SLC25A33: variants seen among roughly 807,000 people sequenced by gnomAD.
The protein encoded by SLC25A33 is bone marrow stromal cell mitochondrial carrier protein.
SLC25A33 carries 15 observed loss-of-function variants against 35.5 expected under a neutral mutation model. That is an observed-to-expected ratio of 0.42 (90% CI 0.28 to 0.65). The LOEUF is 0.65. Among genes scored for constraint, SLC25A33 ranks in the 30% least tolerant of loss-of-function variants. SLC25A33 has a pLI of 0.20. For synonymous variants in SLC25A33, 136 were observed against 148.7 expected (o/e 0.91, Z 0.62); for missense variants, 257 against 398.5 (o/e 0.64, Z 3.02).
At position 9,567,315 on chromosome 1, in the gene SLC25A33, C is replaced by T. The variant is rs1478133504; in HGVS notation, c.268C>T (p.Leu90Phe). Residue 90 changes from leucine (L) to phenylalanine (F), a missense_variant, in exon 3 of 7, where the codon CTT becomes TTT. Physicochemically the swap from Leu to Phe is conservative, Grantham distance 22 (BLOSUM62 0). Transcript: ENST00000302692. ...CTTGGAGAAAGAGGGACCAAAGTCA[C>T]TTTTTAGAGGCTTGGGTCCAAATTT... ...SILEKEGPKSLFRGLGPNLVG... is the reference protein window; with the variant it reads ...SILEKEGPKSFFRGLGPNLVG... 6.2e-7 allele frequency: 1 copy of T among 1,613,816 alleles called. No individual in the cohort carries two copies.
Position 9,539,627 on chromosome 1 carries a change from G to T in SLC25A33, c.-65G>T, listed in dbSNP as rs554258511. The T allele has an allele frequency of 0.014, 17,876 of 1,253,566 alleles. 195 individuals are homozygous for T. The highest frequency in any genetic ancestry group is 0.017 in the Middle Eastern group (57 of 3,268). 77.7% of individuals were successfully genotyped at this position (1,253,566 alleles called of 1,614,324 possible). On this transcript the variant is annotated 5_prime_UTR_variant, in exon 1 of 7. Transcript: ENST00000302692. ...GGGAGACAAGACCCGGCGACCTCGC[G>T]CATCCCTCGAGCCGCCACGCGCTCT...
chr1:9,546,887 G>A (rs1418875804), intron 1 of SLC25A33, among the ~76,000 whole-genome samples: 3 of 152,126 alleles, frequency 2.0e-5, no homozygotes, highest in East Asian at 1.9e-4. Flanking sequence ...TCTAAGGCTG[G>A]CCCTGCATAG....
intron 5 of SLC25A33, among the ~76,000 whole-genome samples, chr1:9,577,669 G>A (rs1643681911): frequency 6.6e-6 from 1 of 152,102 alleles, no homozygotes; most frequent in African/African-American, 2.4e-5. Flanking sequence ...GGGCTTTGAG[G>A]GCAGTGGAAA....
At chr1:9,562,064 A>AGG (rs1553146521) in intron 2 of SLC25A33, among the ~76,000 whole-genome samples, 1 of 150,100 alleles carries the variant, frequency 6.7e-6, no homozygotes, top group African/African-American at 2.5e-5. Flanking sequence ...AAAAAAAAAA[A>AGG]GGGGCAATAT....
chr1:9,559,870 A>G (rs954713011), intron 2 of SLC25A33, among the ~76,000 whole-genome samples: 4 of 152,174 alleles, frequency 2.6e-5, no homozygotes, highest in African/African-American at 7.2e-5. Flanking sequence ...TAAGTGATCA[A>G]ACAAGAACAA....
At chr1:9,548,511 GGCAGAGGTTGCAGTGAGCCGAGATCAC>G (rs946463124) in intron 1 of SLC25A33, among the ~76,000 whole-genome samples, 1 of 152,222 alleles carries the variant, frequency 6.6e-6, no homozygotes, top group African/African-American at 2.4e-5. Context: ...GAACCTGGGA[GGCAGAGGTTGCAGTGAGCCGAGATCAC>G]GCTGCTGCAC....
intron 5 of SLC25A33, among the ~76,000 whole-genome samples, chr1:9,573,714 C>T (rs1643621628): frequency 6.6e-6 from 1 of 152,116 alleles, no homozygotes. Context: ...CAGACCCCAC[C>T]CCAGTTGAAG....
At chr1:9,577,565 G>A (rs187407725) in intron 5 of SLC25A33, among the ~76,000 whole-genome samples, 10 of 152,232 alleles carry the variant, frequency 6.6e-5, no homozygotes, top group Non-Finnish European at 8.8e-5. Flanking sequence ...CGTGTAGTAC[G>A]TGCATCTGCG....
intron 1 of SLC25A33, among the ~76,000 whole-genome samples, chr1:9,544,133 T>C (rs909239326): frequency 3.3e-5 from 5 of 151,950 alleles, no homozygotes; most frequent in Admixed American, 2.6e-4. Flanking sequence ...AAACAAAAAA[T>C]GAAAAACTTA....
chr1:9,547,799 A>G (rs1643202516), intron 1 of SLC25A33, among the ~76,000 whole-genome samples: 1 of 150,300 alleles, frequency 6.7e-6, no homozygotes, highest in African/African-American at 2.4e-5. Context: ...AGTGGCCTTC[A>G]AACTTTTTTT....
intron 5 of SLC25A33, among the ~76,000 whole-genome samples, chr1:9,579,322 C>G (rs1569880110): frequency 7.0e-6 from 1 of 141,868 alleles, no homozygotes; most frequent in South Asian, 2.6e-4. Flanking sequence ...CTGCCCACCC[C>G]CCGCCCACCC....
intron 1 of SLC25A33, among the ~76,000 whole-genome samples, chr1:9,546,529 A>G (rs1293534697): frequency 1.3e-5 from 2 of 152,204 alleles, no homozygotes; most frequent in East Asian, 1.9e-4. Flanking sequence ...ACTGACTAGA[A>G]CAGTATTACC....
rs1237566769 is a variant in SLC25A33, at chr1:9,578,836, G to A, written c.483-1118G>A. ...ACTGAAAGCATTCCCTGTGTCTCAC[G>A]GCCTTGTGACTTAATCTAGCAGATA... On this transcript the variant is annotated intron_variant, in intron 5 of 6. Transcript: ENST00000302692. This position sits in a 1 kb window ranked among gnomAD's most constrained non-coding sequence, Gnocchi z 4.3. 1.3e-5 allele frequency among the ~76,000 whole-genome samples: 2 copies of A among 152,160 alleles called. No individual in the cohort carries two copies. The highest frequency in any genetic ancestry group is 3.8e-4 in the East Asian group (2 of 5,200).
Position 9,582,354 on chromosome 1 carries a change from G to C in SLC25A33, c.819G>C (p.Gln273His). The change falls in exon 7 of 7, where the codon CAG becomes CAC. Residue 273 changes from glutamine to histidine, a missense_variant. Coordinates refer to ENST00000302692, the MANE Select transcript of SLC25A33 (RefSeq NM_032315.3). This position sits in a 1 kb window ranked among gnomAD's most constrained non-coding sequence, Gnocchi z 4.0. ...GCACCAAGTACAAGTCTTTTGTCCA[G>C]ACGGCGCGCCTGGTGTTCCGGGAAG... ...EEGTKYKSFV[Q>H]TARLVFREEG... 1 of 1,614,002 alleles carries C rather than the reference G, an allele frequency of 6.2e-7. No individual in the cohort carries two copies. Among genetic ancestry groups the C allele is most frequent in the Admixed American group, 1.7e-5 (1 of 60,016 alleles).
At chr1:9,562,919 CTTTTTT>C (rs370570053) in intron 2 of SLC25A33, among the ~76,000 whole-genome samples, 4 of 126,746 alleles carry the variant, frequency 3.2e-5, no homozygotes, top group African/African-American at 1.2e-4. Context: ...AAAATAATAG[CTTTTTT>C]TTTTTTTTTT....
intron 1 of SLC25A33, among the ~76,000 whole-genome samples, chr1:9,549,157 C>T (rs970866467): frequency 1.3e-4 from 20 of 152,120 alleles, no homozygotes; most frequent in African/African-American, 4.8e-4. Context: ...TTGGGAAGGA[C>T]ACTCAGTGAC....
At chr1:9,553,526 C>G in intron 1 of SLC25A33, 100 bp from the exon 2 acceptor site, 2 of 1,403,126 alleles carry the variant, frequency 1.4e-6, no homozygotes, top group South Asian at 2.6e-5. Flanking sequence ...AGCCACCGCG[C>G]CCGGCACGTT....
intron 5 of SLC25A33, among the ~76,000 whole-genome samples, chr1:9,579,569 C>T (rs1643709166): frequency 6.6e-6 from 1 of 152,158 alleles, no homozygotes. Flanking sequence ...ATACCCTCCC[C>T]GGGGGCCACC....
chr1:9,564,785 G>A (rs376119026), intron 2 of SLC25A33, among the ~76,000 whole-genome samples: 74 of 138,306 alleles, frequency 5.4e-4, no homozygotes, highest in African/African-American at 1.8e-3. Context: ...TTAGCTGAGC[G>A]TGGTGGCACT....
Sources: allele counts gnomAD v4.1 joint callset (sites outside exome capture counted in the v4.1 genomes callset), GRCh38; gene constraint gnomAD v4.1.1; non-coding constraint Gnocchi (gnomAD v3.1); transcripts MANE v1.5; gene names NCBI Gene and HGNC (gene_info 2026-07-23, HGNC 2026-07-21).